PHLDB2: variants seen among roughly 807,000 people sequenced by gnomAD.
PHLDB2 encodes the protein pleckstrin homology like domain family B member 2.
In PHLDB2, 71 loss-of-function variants were observed where a neutral mutation model predicts 123.6. The ratio of observed to expected loss-of-function variants is 0.57; its 90% CI spans 0.47 to 0.70. PHLDB2 has a LOEUF of 0.70. Ranked by LOEUF, PHLDB2 falls within the 30% of genes least tolerant of loss-of-function variation. The pLI, the probability that PHLDB2 is intolerant of heterozygous loss-of-function variation, is 0.00. For synonymous variants in PHLDB2, 547 were observed against 541.6 expected, an observed-to-expected ratio of 1.01 and a Z score of -0.14; for missense variants, 1,446 against 1,519.5, an observed-to-expected ratio of 0.95 and a Z score of 0.80.
chr3:111,855,091 T>C (rs2108621110), upstream of PHLDB2, among the ~76,000 whole-genome samples: 1 of 151,920 alleles, frequency 6.6e-6, no homozygotes, highest in South Asian at 2.1e-4. Flanking sequence ...TTCCATGGAA[T>C]TAGGGTAAAA....
chr3:111,876,987 C>G (rs7637686), intron 1 of PHLDB2, among the ~76,000 whole-genome samples: 152,244 of 152,368 alleles, frequency 1, 76,060 homozygotes, highest in Middle Eastern at 1. Context: ...CATTTGGGTT[C>G]GTTCCAAGTC....
intron 1 of PHLDB2, among the ~76,000 whole-genome samples, chr3:111,744,790 A>G (rs988245531): frequency 6.6e-6 from 1 of 152,230 alleles, no homozygotes; most frequent in East Asian, 1.9e-4. Flanking sequence ...ACAACTTCCT[A>G]TATCTTAACA....
chr3:111,948,752 A>C lies in PHLDB2; in HGVS notation c.2488-180A>C, dbSNP rs75896089. Among the ~76,000 whole-genome samples, 660 of 152,362 alleles carry C rather than the reference A, an allele frequency of 4.3e-3. 9 individuals carry two copies. The highest frequency in any genetic ancestry group is 0.015 in the African/African-American group (622 of 41,580). On this transcript the variant is annotated intron_variant, in intron 9 of 17. Coordinates refer to ENST00000431670, the MANE Select transcript of PHLDB2 (RefSeq NM_001134438.2). ...TTAATACTTAGAATGCCAATTTTCA[A>C]GATTAAGCAATGTAAATCCATTTTA...
In PHLDB2 at chr3:111,940,567, T is replaced by A; in HGVS notation, c.2319T>A (p.Asn773Lys). 1 of 1,600,964 alleles carries A rather than the reference T, an allele frequency of 6.2e-7. No individual in the cohort carries two copies. The highest frequency in any genetic ancestry group is 8.5e-7 in the Non-Finnish European group (1 of 1,174,574). ...TTTCTGCATTGAAAAAGCAAGCCAATCACATTGTTCAGCAGGCTCAGAGAG... is the reference window on the plus strand; with the variant it reads ...TTTCTGCATTGAAAAAGCAAGCCAAACACATTGTTCAGCAGGCTCAGAGAG... ...EKISALKKQA[N>K]HIVQQAQREQ... is the part of the protein sequence containing the mutation. Residue 773 changes from asparagine (N) to lysine (K), a missense_variant, in exon 8 of 18, where the codon AAT becomes AAA. By Grantham distance (94) the Asn-to-Lys change is moderately conservative. Transcript: ENST00000431670.
At chr3:111,794,706 G>A (rs1350732460) in intron 1 of PHLDB2, among the ~76,000 whole-genome samples, 2 of 152,216 alleles carry the variant, frequency 1.3e-5, no homozygotes, top group African/African-American at 4.8e-5. Context: ...TAAAGTGATT[G>A]GATTGGATCC....
chr3:111,762,051 C>A (rs984915683), intron 1 of PHLDB2, among the ~76,000 whole-genome samples: 5 of 152,182 alleles, frequency 3.3e-5, no homozygotes, highest in African/African-American at 7.2e-5. Flanking sequence ...GATGCCCCCC[C>A]AATCCCATCC....
At chr3:111,870,383 T>C (rs1219439202) in intron 1 of PHLDB2, among the ~76,000 whole-genome samples, 2 of 152,106 alleles carry the variant, frequency 1.3e-5, no homozygotes, top group African/African-American at 4.8e-5. Flanking sequence ...CTAGGTCTAT[T>C]TGCAGAGGGG....
chr3:111,795,472 G>A (rs986974751), intron 1 of PHLDB2, among the ~76,000 whole-genome samples: 1 of 152,188 alleles, frequency 6.6e-6, no homozygotes, highest in African/African-American at 2.4e-5. Flanking sequence ...TCACAATGCT[G>A]CCTCCATCAA....
At position 111,859,527 on chromosome 3, in the gene PHLDB2, A is replaced by G. The variant is rs1054903503; in HGVS notation, c.-64A>G. ...CCCGACGGTGTGGCGTGGCGCAAGG[A>G]GCGCGCCTGCCTTCTCTCGCCGCCG... On this transcript the variant is annotated 5_prime_UTR_variant, in exon 1 of 18. Transcript: ENST00000431670. 1.3e-5 allele frequency: 13 copies of G among 985,400 alleles called. No individual in the cohort carries two copies. The highest frequency in any genetic ancestry group is 1.6e-5 in the Non-Finnish European group (13 of 830,036). 61.0% of individuals were successfully genotyped at this position (985,400 alleles called of 1,614,324 possible).
At chr3:111,783,383 C>A (rs2060556782) in intron 1 of PHLDB2, among the ~76,000 whole-genome samples, 1 of 151,822 alleles carries the variant, frequency 6.6e-6, no homozygotes, top group South Asian at 2.1e-4. Flanking sequence ...TTAGTAGTGG[C>A]ACGTTCTTTA....
chr3:111,884,783 T>C lies in PHLDB2; in HGVS notation c.706T>C (p.Leu236=), dbSNP rs199879632. ...GGAGCTTGCATCTGAAAACATCAAT[T>C]TGAGAACTAGGAAGTACTCCAGCAG... The part of the protein sequence containing the change: ...HKELASENIN[L]RTRKYSSSSL... The change falls in exon 2 of 18, where the codon TTG becomes CTG. Residue 236 remains leucine, a synonymous_variant. Coordinates refer to ENST00000431670, the MANE Select transcript of PHLDB2 (RefSeq NM_001134438.2). 59 of 1,613,896 alleles carry C rather than the reference T, an allele frequency of 3.7e-5. 1 individual carries two copies. In the African/African-American group the frequency reaches 6.0e-4, roughly 16 times the overall value.
intron 1 of PHLDB2, among the ~76,000 whole-genome samples, chr3:111,810,266 C>T (rs2061770969): frequency 1.3e-5 from 2 of 152,086 alleles, no homozygotes. Flanking sequence ...ACCATATTAC[C>T]GTGTGTTTTC....
chr3:111,866,894 C>T (rs2065109567), intron 1 of PHLDB2, among the ~76,000 whole-genome samples: 1 of 151,324 alleles, frequency 6.6e-6, no homozygotes, highest in Admixed American at 6.6e-5. Context: ...ACCTAAAGAG[C>T]TCCTCCACTC....
At chr3:111,742,631 G>C (rs2059622696) in intron 1 of PHLDB2, among the ~76,000 whole-genome samples, 1 of 152,142 alleles carries the variant, frequency 6.6e-6, no homozygotes, top group Admixed American at 6.5e-5. Flanking sequence ...CCCTACAAAG[G>C]ATATGAACTC....
At chr3:111,853,753 T>G (rs1428295621) in intron 2 of PHLDB2, among the ~76,000 whole-genome samples, 1 of 152,058 alleles carries the variant, frequency 6.6e-6, no homozygotes, top group Non-Finnish European at 1.5e-5. Context: ...TGCATGCCTG[T>G]AATCCCAGCT....
At chr3:111,816,511 T>A (rs9829968) in intron 1 of PHLDB2, among the ~76,000 whole-genome samples, 66,200 of 151,970 alleles carry the variant, frequency 0.44, 15,096 homozygotes, top group African/African-American at 0.55. Flanking sequence ...TGGATTTTGG[T>A]CTTGCATGGG....
chr3:111,880,271 G>A (rs562693805), intron 1 of PHLDB2, among the ~76,000 whole-genome samples: 14 of 152,176 alleles, frequency 9.2e-5, no homozygotes, highest in African/African-American at 3.4e-4. Flanking sequence ...CTGAAAGGTC[G>A]TTAGGACCCC....
At chr3:111,959,152 A>T (rs1450005903) in intron 12 of PHLDB2, among the ~76,000 whole-genome samples, 1 of 152,264 alleles carries the variant, frequency 6.6e-6, no homozygotes, top group Non-Finnish European at 1.5e-5. Flanking sequence ...TCCTCTGTTT[A>T]AAATATCTAT....
At chr3:111,732,551 C>G (rs1941534485) in exon 1 of PHLDB2, 5 of 1,373,948 alleles carry the variant, frequency 3.6e-6, no homozygotes, top group Non-Finnish European at 5.0e-6. Context: ...AAAGGAACCT[C>G]ACCTTCATGC....
Sources: allele counts gnomAD v4.1 joint callset (sites outside exome capture counted in the v4.1 genomes callset), GRCh38; gene constraint gnomAD v4.1.1; transcripts MANE v1.5; gene names NCBI Gene and HGNC (gene_info 2026-07-23, HGNC 2026-07-21).